Variants in TMTC1 observed in about 807,000 individuals in gnomAD.
The protein encoded by TMTC1 is protein O-mannosyl-transferase TMTC1.
Under a neutral mutation model 104.8 loss-of-function variants are expected in TMTC1, and 73 were observed. The ratio of observed to expected loss-of-function variants is 0.70; its 90% CI spans 0.58 to 0.85. The LOEUF (loss-of-function observed/expected upper bound fraction) is 0.85. Among genes scored for constraint, TMTC1 ranks in the 40% least tolerant of loss-of-function variants. The pLI is 0.00. For synonymous variants in TMTC1, 434 were observed against 428.7 expected (o/e 1.01, Z -0.15); for missense variants, 1,035 against 1,096.1 (o/e 0.94, Z 0.79).
chr12:29,767,954 C>T lies in TMTC1; in HGVS notation c.424G>A (p.Gly142Arg). 1 of 1,613,934 alleles carries T rather than the reference C, an allele frequency of 6.2e-7. No individual in the cohort carries two copies. Among genetic ancestry groups the T allele is most frequent in the Non-Finnish European group, 8.5e-7 (1 of 1,179,902 alleles). Residue 142 changes from glycine (G) to arginine (R), a missense_variant, in exon 2 of 18, where the codon GGA becomes AGA. By Grantham distance (125) the Gly-to-Arg change is moderately radical. Coordinates refer to ENST00000539277, the MANE Select transcript of TMTC1 (RefSeq NM_001193451.2). ...TCDKTVFKNR[G>R]LAFVTALLFA... is the part of the protein sequence containing the mutation. ...AGCAATGCCGTTACAAAAGCAAGTC[C>T]ACGATTCTTGAAGACAGTTTTATCA...
chr12:29,618,258 C>A (rs1312728348), intron 6 of TMTC1, among the ~76,000 whole-genome samples: 2 of 152,182 alleles, frequency 1.3e-5, no homozygotes, highest in African/African-American at 4.8e-5. Context: ...AGGCAACACA[C>A]TGAATGGGTA....
intron 5 of TMTC1, among the ~76,000 whole-genome samples, chr12:29,675,836 C>T (rs1010176653): frequency 6.6e-6 from 1 of 151,994 alleles, no homozygotes; most frequent in South Asian, 2.1e-4. Flanking sequence ...TAGCATTGTT[C>T]CATGAAAGTA....
At chr12:29,561,561 C>A (rs971868546) in intron 9 of TMTC1, among the ~76,000 whole-genome samples, 1 of 152,184 alleles carries the variant, frequency 6.6e-6, no homozygotes, top group African/African-American at 2.4e-5. Context: ...GATTTACATA[C>A]GTGCTTTCTG....
At chr12:29,675,608 A>ACT (rs1421501773) in intron 5 of TMTC1, among the ~76,000 whole-genome samples, 1 of 72,088 alleles carries the variant, frequency 1.4e-5, no homozygotes, top group Non-Finnish European at 2.7e-5. Context: ...ACACACACAC[A>ACT]CACACACACA....
chr12:29,696,006 A>C (rs768550943), intron 5 of TMTC1, among the ~76,000 whole-genome samples: 13 of 151,840 alleles, frequency 8.6e-5, no homozygotes, highest in Non-Finnish European at 1.9e-4. Context: ...CTCTTGATGG[A>C]TGGCAGTTAT....
intron 5 of TMTC1, among the ~76,000 whole-genome samples, chr12:29,666,028 C>T (rs1201870697): frequency 6.6e-6 from 1 of 152,078 alleles, no homozygotes; most frequent in African/African-American, 2.4e-5. Context: ...ACTCTCTCCA[C>T]TACTGCAAAA....
At chr12:29,741,958 A>C (rs951610799) in intron 5 of TMTC1, among the ~76,000 whole-genome samples, 2 of 152,204 alleles carry the variant, frequency 1.3e-5, no homozygotes, top group African/African-American at 4.8e-5. Flanking sequence ...TTTTATAATG[A>C]AAGAGACCAC....
chr12:29,655,278 C>A (rs1237728093), intron 5 of TMTC1, among the ~76,000 whole-genome samples: 1 of 152,092 alleles, frequency 6.6e-6, no homozygotes, highest in Non-Finnish European at 1.5e-5. Context: ...TAACTATATA[C>A]ACATATACAA....
At chr12:29,736,268 A>G (rs1404800734) in intron 5 of TMTC1, among the ~76,000 whole-genome samples, 8 of 152,108 alleles carry the variant, frequency 5.3e-5, no homozygotes, top group Admixed American at 5.2e-4. Context: ...AGCCAAAAAA[A>G]AAAAAAAAAA....
At chr12:29,700,888 C>T (rs1941570022) in intron 5 of TMTC1, among the ~76,000 whole-genome samples, 1 of 152,114 alleles carries the variant, frequency 6.6e-6, no homozygotes, top group African/African-American at 2.4e-5. Flanking sequence ...AGAAAACTTA[C>T]ATTACTCATT....
In TMTC1 at chr12:29,751,779, C is replaced by T; in HGVS notation, c.825G>A (p.Lys275=). 1 of 1,613,974 alleles carries T rather than the reference C, an allele frequency of 6.2e-7. No homozygotes were observed. Among genetic ancestry groups the T allele is most frequent in the South Asian group, 1.1e-5 (1 of 91,040 alleles). The change falls in exon 5 of 18, where the codon AAG becomes AAA. Residue 275 remains lysine (K), a synonymous_variant. Coordinates refer to ENST00000539277, the MANE Select transcript of TMTC1 (RefSeq NM_001193451.2). ...CTCCTTTGTGAGGGAACCGCTGCTGCTTCCCATTCTCCCGGTGAGGATGGC... is the reference window on the plus strand; with the variant it reads ...CTCCTTTGTGAGGGAACCGCTGCTGTTTCCCATTCTCCCGGTGAGGATGGC... The part of the protein sequence containing the change: ...LPGHPHRENG[K]QQRFPHKGAW...
chr12:29,671,220 T>C lies in TMTC1; in HGVS notation c.939-37884A>G, dbSNP rs1940500591. Among the ~76,000 whole-genome samples, 3 of 151,084 alleles carry C rather than the reference T, an allele frequency of 2.0e-5. No individual in the cohort carries two copies. In the South Asian group the frequency reaches 6.2e-4, roughly 31 times the overall value. On this transcript the variant is annotated intron_variant, in intron 5 of 17. Coordinates refer to ENST00000539277, the MANE Select transcript of TMTC1 (RefSeq NM_001193451.2). Reference sequence around the variant, plus strand: ...CTGAGGCAGGAGAATCACCTGAACCTGGGAGGCCTCCGGAGGTTGCAGTGA... The same window carrying C: ...CTGAGGCAGGAGAATCACCTGAACCCGGGAGGCCTCCGGAGGTTGCAGTGA...
At chr12:29,540,389 C>T (rs1944763122) in intron 10 of TMTC1, among the ~76,000 whole-genome samples, 1 of 152,212 alleles carries the variant, frequency 6.6e-6, no homozygotes, top group African/African-American at 2.4e-5. Flanking sequence ...TGACCACCAT[C>T]ATCCCAAATG....
At position 29,755,567 on chromosome 12, in the gene TMTC1, G is replaced by A. The variant is rs780091733; in HGVS notation, c.731+142C>T. On this transcript the variant is annotated intron_variant, in intron 4 of 17. Transcript: ENST00000539277. Reference sequence around the variant, plus strand: ...TAATGCGCTTATCTTAATGAAATAAGCCTTGTTGATTACGTGACAGTCTAA... The same window carrying A: ...TAATGCGCTTATCTTAATGAAATAAACCTTGTTGATTACGTGACAGTCTAA... The A allele has an allele frequency of 3.3e-5, 22 of 669,232 alleles. No individual in the cohort carries two copies. In the Admixed American group the frequency reaches 3.7e-4, roughly 11 times the overall value. The allele number at this position is 669,232 out of a possible 1,614,324, so 41.5% of individuals were successfully genotyped here. A position where few individuals can be genotyped will look rare whatever the true frequency, so the allele number is the denominator to read the frequency against.
intron 5 of TMTC1, among the ~76,000 whole-genome samples, chr12:29,652,722 G>A (rs1478477794): frequency 1.3e-5 from 2 of 152,144 alleles, no homozygotes; most frequent in Non-Finnish European, 2.9e-5. Flanking sequence ...TAAATGGGAA[G>A]GAAAAATTGG....
At chr12:29,630,946 C>A (rs1938264150) in intron 6 of TMTC1, among the ~76,000 whole-genome samples, 1 of 152,148 alleles carries the variant, frequency 6.6e-6, no homozygotes, top group African/African-American at 2.4e-5. Flanking sequence ...TAATGATAGT[C>A]ATTATAGTGA....
intron 6 of TMTC1, 112 bp from the exon 7 acceptor site, chr12:29,604,411 A>T: frequency 7.2e-7 from 1 of 1,396,892 alleles, no homozygotes; most frequent in Non-Finnish European, 9.8e-7. Context: ...AATAAATTAG[A>T]CCAATATAAA....
intron 9 of TMTC1, among the ~76,000 whole-genome samples, chr12:29,559,056 G>T (rs1945315324): frequency 1.3e-5 from 2 of 152,222 alleles, no homozygotes. Flanking sequence ...GTTGTCCCAT[G>T]CACATGATGA....
At chr12:29,780,584 T>C (rs1943812245) in intron 1 of TMTC1, among the ~76,000 whole-genome samples, 1 of 152,212 alleles carries the variant, frequency 6.6e-6, no homozygotes, top group Admixed American at 6.5e-5. Context: ...TTCCGTATCT[T>C]GACTGTGGAG....
Sources: allele counts gnomAD v4.1 joint callset (sites outside exome capture counted in the v4.1 genomes callset), GRCh38; gene constraint gnomAD v4.1.1; transcripts MANE v1.5; gene names NCBI Gene and HGNC (gene_info 2026-07-23, HGNC 2026-07-21).